The following NUDT14 variants were observed in gnomAD, a reference collection of about 807,000 sequenced individuals.
The protein encoded by NUDT14 is uridine diphosphate glucose pyrophosphatase NUDT14.
In NUDT14, 22 loss-of-function variants were observed where a neutral mutation model predicts 17.5. The ratio of observed to expected loss-of-function variants is 1.26; its 90% CI spans 0.90 to 1.80. The LOEUF (loss-of-function observed/expected upper bound fraction) is 1.80. Among genes scored for constraint, NUDT14 ranks in the 40% most tolerant of loss-of-function variants. The pLI is 0.00. For synonymous variants in NUDT14, 129 were observed against 125.8 expected (o/e 1.03, Z -0.17); for missense variants, 296 against 295.6 (o/e 1.00, Z -0.01).
intron 2 of NUDT14, 71 bp downstream of exon 2, chr14:105,177,621 C>T (rs1174148952): frequency 6.8e-7 from 1 of 1,466,516 alleles, no homozygotes; most frequent in Admixed American, 1.7e-5. Flanking sequence ...GGCACCTTCG[C>T]CCTGGGCCCA....
chr14:105,177,488 G>A (rs1889241522), intron 2 of NUDT14, among the ~76,000 whole-genome samples: 1 of 152,218 alleles, frequency 6.6e-6, no homozygotes, highest in Non-Finnish European at 1.5e-5. Flanking sequence ...GGTGGCCTGA[G>A]CAAAGACCTG....
rs1566776414 is a variant in NUDT14 at position 105,173,295 on chromosome 14, A to ACGCTGGCCC, written c.429-43_429-35dup. The ACGCTGGCCC allele has an allele frequency of 3.4e-6, 5 of 1,471,546 alleles. No homozygotes were observed. In the South Asian group the frequency reaches 4.4e-5, roughly 13 times the overall value. The allele number at this position is 1,471,546 out of a possible 1,614,324, so 91.2% of individuals were successfully genotyped here. On this transcript the variant is annotated intron_variant, in intron 4 of 4. Coordinates refer to ENST00000392568, the MANE Select transcript of NUDT14 (RefSeq NM_177533.5). This position sits in a 1 kb window ranked among gnomAD's most constrained non-coding sequence, Gnocchi z 4.7. Reference sequence around the variant, plus strand: ...TGAGACAGGGTCTGCTGAGTCACCCACGCTGGCCCCGCTGGCCCCCTGGCC... The same window carrying ACGCTGGCCC: ...TGAGACAGGGTCTGCTGAGTCACCCACGCTGGCCCCGCTGGCCCCGCTGGCCCCCTGGCC...
In NUDT14 at chr14:105,173,143, G is replaced by A. The variant is rs1412159902; in HGVS notation, c.547C>T (p.His183Tyr). 1.2e-6 allele frequency: 2 copies of A among 1,610,118 alleles called. No individual in the cohort carries two copies. The highest frequency in any genetic ancestry group is 3.4e-5 in the Admixed American group (2 of 59,480). ...GCCTGGGCGCCTTCCAGGGGCAGGT[G>A]CACCACCTCAATGAGCTCACCCTCC... Reference protein sequence around the residue: ...VEEGELIEVVHLPLEGAQAFA... With the variant: ...VEEGELIEVVYLPLEGAQAFA... The change falls in exon 5 of 5, where the codon CAC becomes TAC. Residue 183 changes from histidine (H) to tyrosine (Y), a missense_variant. His to Tyr is a moderately conservative substitution (Grantham distance 83, BLOSUM62 2). Coordinates refer to ENST00000392568, the MANE Select transcript of NUDT14 (RefSeq NM_177533.5). The surrounding 1 kb of genome is among the most constrained non-coding windows in gnomAD (Gnocchi z 4.7).
chr14:105,174,484 G>A (rs1163319835), intron 4 of NUDT14, among the ~76,000 whole-genome samples: 2 of 152,060 alleles, frequency 1.3e-5, no homozygotes, highest in Non-Finnish European at 2.9e-5. Flanking sequence ...AACATACAGG[G>A]GCAGGGACAG....
rs1235080651 is a variant in NUDT14 at position 105,181,155 on chromosome 14, G to A, written c.55C>T (p.Arg19Trp). The A allele has an allele frequency of 8.6e-7, 1 of 1,161,448 alleles. No individual in the cohort carries two copies. The highest frequency in any genetic ancestry group is 2.5e-5 in the South Asian group (1 of 40,094). The allele number at this position is 1,161,448 out of a possible 1,614,324, so 71.9% of individuals were successfully genotyped here. A position where few individuals can be genotyped will look rare whatever the true frequency, so the allele number is the denominator to read the frequency against. The change falls in exon 1 of 5, where the codon CGG (arginine) becomes TGG (tryptophan). Residue 19 changes from arginine (R) to tryptophan (W), a missense_variant. Transcript: ENST00000392568. The surrounding 1 kb of genome is among the most constrained non-coding windows in gnomAD (Gnocchi z 5.0). ...TGGCGGTAATGCAGCGTGAGCGGCC[G>A]CAGGTAGGGTGAGGCGGCGCAGCGG... Reference protein sequence around the residue: ...VGRCAASPYLRPLTLHYRQNG... With the variant: ...VGRCAASPYLWPLTLHYRQNG...
intron 3 of NUDT14, 77 bp downstream of exon 3, chr14:105,176,886 T>A: frequency 6.4e-7 from 1 of 1,561,634 alleles, no homozygotes; most frequent in East Asian, 2.3e-5. Context: ...CCCTCCCACA[T>A]CTGTATTCAG....
intron 1 of NUDT14, among the ~76,000 whole-genome samples, chr14:105,180,836 T>G (rs1889309774): frequency 6.6e-6 from 1 of 152,116 alleles, no homozygotes; most frequent in Admixed American, 6.5e-5. Context: ...GGAGTTCCAC[T>G]GCCAAGAGGG....
chr14:105,176,426 G>T, intron 4 of NUDT14, 108 bp downstream of exon 4: 2 of 953,312 alleles, frequency 2.1e-6, no homozygotes, highest in Non-Finnish European at 3.3e-6. Context: ...ATCCCATGTT[G>T]GAAAACAAGG....
In NUDT14 at chr14:105,181,236, C is replaced by A. The variant is rs1595202976; in HGVS notation, c.-27G>T. ...GCGGCGCCCGGACAGGCGGGGGCCG[C>A]GAGCTCTGCGGGGGCCGACACGGGG... On this transcript the variant is annotated 5_prime_UTR_variant, in exon 1 of 5. Transcript: ENST00000392568. This position sits in a 1 kb window ranked among gnomAD's most constrained non-coding sequence, Gnocchi z 5.0. 4.1e-6 allele frequency: 1 copy of A among 241,450 alleles called. No homozygotes were observed. Among genetic ancestry groups the A allele is most frequent in the Non-Finnish European group, 5.2e-6 (1 of 191,832 alleles). The allele number at this position is 241,450 out of a possible 1,614,324, so 15.0% of individuals were successfully genotyped here.
In NUDT14 at chr14:105,175,171, T is replaced by A. The variant is rs1329072512; in HGVS notation, c.428+1363A>T. On this transcript the variant is annotated intron_variant, in intron 4 of 4. Coordinates refer to ENST00000392568, the MANE Select transcript of NUDT14 (RefSeq NM_177533.5). Reference sequence around the variant, plus strand: ...CTTGACCACTTGCCCTGAGAGCCTGTGCGGTCCCTCTGCCAGGAACCTGCC... The same window carrying A: ...CTTGACCACTTGCCCTGAGAGCCTGAGCGGTCCCTCTGCCAGGAACCTGCC... Among the ~76,000 whole-genome samples the A allele has an allele frequency of 3.3e-5, 5 of 152,296 alleles. No homozygotes were observed. The East Asian group carries it at 9.7e-4, about 29-fold the overall frequency.
At chr14:105,174,637 G>C (rs892455513) in intron 4 of NUDT14, among the ~76,000 whole-genome samples, 29 of 152,116 alleles carry the variant, frequency 1.9e-4, no homozygotes, top group Admixed American at 2.6e-4. Flanking sequence ...TTCCGGCGGC[G>C]GCCGCGGCTG....
chr14:105,180,457 C>A (rs1566778998), intron 1 of NUDT14, among the ~76,000 whole-genome samples: 1 of 152,122 alleles, frequency 6.6e-6, no homozygotes, highest in Non-Finnish European at 1.5e-5. Flanking sequence ...GACAGCAAGA[C>A]CCTGTCTCAA....
rs1336043716 is a variant in NUDT14, at chr14:105,181,012, G to A, written c.81+117C>T. The A allele has an allele frequency of 7.4e-6, 2 of 270,472 alleles. No homozygotes were observed. The highest frequency in any genetic ancestry group is 1.3e-4 in the South Asian group (1 of 7,896). The allele number at this position is 270,472 out of a possible 1,614,324, so 16.8% of individuals were successfully genotyped here. The stretch of plus-strand genomic sequence containing the variant: ...ACAAGCGGCCGCCCGGGAGATCGGC[G>A]GGAGGCGGGGGCGGGGCTCCGGGGC... On this transcript the variant is annotated intron_variant, in intron 1 of 4. Coordinates refer to ENST00000392568, the MANE Select transcript of NUDT14 (RefSeq NM_177533.5). This position sits in a 1 kb window ranked among gnomAD's most constrained non-coding sequence, Gnocchi z 5.0.
At position 105,176,520 on chromosome 14, in the gene NUDT14, C is replaced by T. The variant is rs587627810; in HGVS notation, c.428+14G>A. The T allele has an allele frequency of 5.0e-6, 8 of 1,600,592 alleles. No individual in the cohort carries two copies. The Admixed American group carries it at 1.2e-4, about 23-fold the overall frequency. On this transcript the variant is annotated intron_variant, in intron 4 of 4. Coordinates refer to ENST00000392568, the MANE Select transcript of NUDT14 (RefSeq NM_177533.5). ...TGAGTCACACCACAGGCCTGAGGGC[C>T]TGGTCCCACTCACCAGTATGTGGCG...
chr14:105,178,466 G>A (rs1369332743), intron 1 of NUDT14, among the ~76,000 whole-genome samples: 1 of 152,164 alleles, frequency 6.6e-6, no homozygotes, highest in Non-Finnish European at 1.5e-5. Context: ...CACCACCCTG[G>A]CAGGCCCCTG....
Position 105,173,350 on chromosome 14 carries a change from A to G in NUDT14, c.429-89T>C. ...TACCACCCTCCAACCCACCCTCTCC[A>G]CTCTGCTCCCTCCAGCCCTCCAGTA... On this transcript the variant is annotated intron_variant, in intron 4 of 4. Coordinates refer to ENST00000392568, the MANE Select transcript of NUDT14 (RefSeq NM_177533.5). The surrounding 1 kb of genome is among the most constrained non-coding windows in gnomAD (Gnocchi z 4.7). 2 of 1,342,626 alleles carry G rather than the reference A, an allele frequency of 1.5e-6. No individual in the cohort carries two copies. Among genetic ancestry groups the G allele is most frequent in the Non-Finnish European group, 1.9e-6 (2 of 1,040,076 alleles). 83.2% of individuals were successfully genotyped at this position (1,342,626 alleles called of 1,614,324 possible).
chr14:105,176,680 G>A lies in NUDT14; in HGVS notation c.282C>T (p.Pro94=), dbSNP rs117624322. The A allele has an allele frequency of 3.3e-3, 5,284 of 1,612,732 alleles. 13 individuals are homozygous for A. The highest frequency in any genetic ancestry group is 4.1e-3 in the Non-Finnish European group (4,865 of 1,179,964). The change falls in exon 4 of 5, where the codon CCC becomes CCT. Residue 94 remains proline (P), a synonymous_variant. Transcript: ENST00000392568. ...DGPRELQPAL[P]GSAGVTVELC... ...GCTCAACTGTCACCCCCGCTGAGCC[G>A]GGCAGGGCTGGCTGTAGCTCCCGAG...
At chr14:105,180,278 C>T (rs1889298086) in intron 1 of NUDT14, among the ~76,000 whole-genome samples, 2 of 152,166 alleles carry the variant, frequency 1.3e-5, no homozygotes, top group East Asian at 3.9e-4. Context: ...CCAGCCTGGG[C>T]AACAGTGAGA....
At position 105,176,776 on chromosome 14, in the gene NUDT14, G is replaced by T. The variant is rs3803320; in HGVS notation, c.191-5C>A. 1 of 1,611,056 alleles carries T rather than the reference G, an allele frequency of 6.2e-7. No homozygotes were observed. Among genetic ancestry groups the T allele is most frequent in the Non-Finnish European group, 8.5e-7 (1 of 1,179,014 alleles). On this transcript the variant is annotated splice_polypyrimidine_tract_variant and splice_region_variant and intron_variant, in intron 3 of 4. Coordinates refer to ENST00000392568, the MANE Select transcript of NUDT14 (RefSeq NM_177533.5). ...CCACCTCACCCGCATACACAGCTGCGTGGGAAGAAGCCAGACTGTGCTCAC... is the reference window on the plus strand; with the variant it reads ...CCACCTCACCCGCATACACAGCTGCTTGGGAAGAAGCCAGACTGTGCTCAC...
Sources: gnomAD v4.1 joint callset for allele counts (sites outside exome capture counted in the v4.1 genomes callset) on GRCh38, gnomAD v4.1.1 for gene constraint, Gnocchi (gnomAD v3.1) non-coding constraint, MANE v1.5 for transcripts, NCBI Gene and HGNC (gene_info 2026-07-23, HGNC 2026-07-21) for gene names.